SLIT1: variants seen among roughly 807,000 people sequenced by gnomAD.
SLIT1 encodes slit homolog 1 protein.
In SLIT1, 66 loss-of-function variants were observed where a neutral mutation model predicts 186.1. That is an observed-to-expected ratio of 0.35 (90% confidence interval 0.29 to 0.44). The LOEUF is 0.44. Ranked by LOEUF, SLIT1 falls within the 20% of genes least tolerant of loss-of-function variation. The pLI, the probability that SLIT1 is intolerant of heterozygous loss-of-function variation, is 1.00. For missense variants in SLIT1, 1,638 were observed against 2,037.4 expected (o/e 0.80, Z 3.77); for synonymous variants, 761 against 833.8 (o/e 0.91, Z 1.50).
At chr10:97,052,090 G>T (rs112518517) in intron 13 of SLIT1, among the ~76,000 whole-genome samples, 4 of 118,202 alleles carry the variant, frequency 3.4e-5, no homozygotes, top group South Asian at 3.2e-4. Context: ...GTATGATTCG[G>T]TTTTTTTTTG....
chr10:97,111,366 C>A (rs1360377566), intron 4 of SLIT1, among the ~76,000 whole-genome samples: 1 of 151,368 alleles, frequency 6.6e-6, no homozygotes, highest in African/African-American at 2.4e-5. Context: ...TCCATCATGT[C>A]ATCTACACAC....
chr10:97,147,689 G>A (rs2636799), intron 4 of SLIT1, among the ~76,000 whole-genome samples: 147,344 of 152,130 alleles, frequency 0.97, 71,541 homozygotes, highest in East Asian at 1. Context: ...CCACTAAGTC[G>A]CCCCACTCTT....
intron 3 of SLIT1, among the ~76,000 whole-genome samples, chr10:97,159,938 C>G (rs1459284299): frequency 1.3e-5 from 2 of 152,178 alleles, no homozygotes; most frequent in Non-Finnish European, 2.9e-5. Context: ...AGTTGCTCAT[C>G]TTTGAAAGAT....
chr10:97,158,030 T>C, intron 3 of SLIT1, 141 bp from the exon 4 acceptor site: 3 of 692,550 alleles, frequency 4.3e-6, no homozygotes, highest in Non-Finnish European at 7.7e-6. Flanking sequence ...CCAGGGAAAT[T>C]ACCTTCTCTG....
At chr10:97,059,945 T>A in intron 10 of SLIT1, 142 bp downstream of exon 10, 1 of 750,590 alleles carries the variant, frequency 1.3e-6, no homozygotes, top group Non-Finnish European at 2.4e-6. Context: ...CCAAGCAGCC[T>A]GAAGGGCAGG....
chr10:97,150,159 G>T (rs555833579), intron 4 of SLIT1, among the ~76,000 whole-genome samples: 1 of 152,122 alleles, frequency 6.6e-6, no homozygotes, highest in Admixed American at 6.5e-5. Flanking sequence ...GGGGAGGGGC[G>T]GCTGGGAGCC....
At chr10:97,116,377 C>T (rs973017782) in intron 4 of SLIT1, among the ~76,000 whole-genome samples, 1 of 152,192 alleles carries the variant, frequency 6.6e-6, no homozygotes, top group East Asian at 1.9e-4. Flanking sequence ...CAGGTTCTTC[C>T]TCCTTAGGGC....
At chr10:97,180,957 G>C (rs1016903867) in intron 1 of SLIT1, among the ~76,000 whole-genome samples, 2 of 152,212 alleles carry the variant, frequency 1.3e-5, no homozygotes, top group African/African-American at 4.8e-5. Flanking sequence ...CTTTGAGGTA[G>C]TAGGTGTTAT....
intron 4 of SLIT1, among the ~76,000 whole-genome samples, chr10:97,085,908 A>G (rs1849154663): frequency 6.6e-6 from 1 of 152,180 alleles, no homozygotes; most frequent in Non-Finnish European, 1.5e-5. Flanking sequence ...ACATTAACAA[A>G]CAGGTCCTTC....
intron 25 of SLIT1, among the ~76,000 whole-genome samples, chr10:97,026,361 G>C (rs1346974373): frequency 6.6e-6 from 1 of 152,036 alleles, no homozygotes; most frequent in Non-Finnish European, 1.5e-5. Context: ...CTACTCAGGA[G>C]GCTGAGGCAG....
chr10:97,003,051 C>T, intron 34 of SLIT1, 59 bp from the exon 35 acceptor site: 1 of 1,541,390 alleles, frequency 6.5e-7, no homozygotes, highest in Admixed American at 1.7e-5. Context: ...GCCGGGCACC[C>T]ACCCCTGAGG....
chr10:97,014,427 G>A (rs1163558744), intron 28 of SLIT1, among the ~76,000 whole-genome samples: 2 of 152,066 alleles, frequency 1.3e-5, no homozygotes, highest in South Asian at 2.1e-4. Flanking sequence ...GCCAGGGAGC[G>A]GGCACAGAGG....
At chr10:97,011,422 G>A (rs1170771799) in intron 30 of SLIT1, among the ~76,000 whole-genome samples, 3 of 152,070 alleles carry the variant, frequency 2.0e-5, no homozygotes, top group African/African-American at 7.2e-5. Context: ...TTGTCATGGA[G>A]GACCCACCTT....
intron 23 of SLIT1, among the ~76,000 whole-genome samples, chr10:97,033,286 C>T (rs1455732901): frequency 1.3e-5 from 2 of 152,154 alleles, no homozygotes; most frequent in African/African-American, 2.4e-5. Flanking sequence ...GGGCCCCTTC[C>T]TTTTTTGGGT....
At chr10:97,088,565 T>A (rs921214580) in intron 4 of SLIT1, among the ~76,000 whole-genome samples, 1 of 152,226 alleles carries the variant, frequency 6.6e-6, no homozygotes, top group African/African-American at 2.4e-5. Flanking sequence ...TAGCTTTTTT[T>A]ATACAGCTAA....
Position 97,022,125 on chromosome 10 carries a change from G to A in SLIT1, c.2583-712C>T, listed in dbSNP as rs1589365694. On this transcript the variant is annotated intron_variant, in intron 25 of 36. Coordinates refer to ENST00000266058, the MANE Select transcript of SLIT1 (RefSeq NM_003061.3). This position sits in a 1 kb window ranked among gnomAD's most constrained non-coding sequence, Gnocchi z 4.2. ...GCTGCTTTTCCTGTGTTTGGGCACC[G>A]AATCATCTCATCAGCCCCACTGTGC... is the stretch of plus-strand genomic sequence containing the variant. Among the ~76,000 whole-genome samples, 1 of 152,086 alleles carries A rather than the reference G, an allele frequency of 6.6e-6. No individual in the cohort carries two copies. The highest frequency in any genetic ancestry group is 1.5e-5 in the Non-Finnish European group (1 of 68,018).
Position 97,185,659 on chromosome 10 carries a change from C to G in SLIT1, c.16G>C (p.Gly6Arg). 1.3e-6 allele frequency: 2 copies of G among 1,535,514 alleles called. No homozygotes were observed. Among genetic ancestry groups the G allele is most frequent in the Non-Finnish European group, 1.7e-6 (2 of 1,144,298 alleles). The part of the protein sequence containing the change: MALTP[G>R]WGSSAGPVRP... The stretch of plus-strand genomic sequence containing the variant: ...ACCGGCCCCGCCGAGGACCCCCACC[C>G]GGGAGTCAGCGCCATGGTGCCCTCA... The change falls in exon 1 of 37, where the codon GGG (glycine) becomes CGG (arginine). Residue 6 changes from glycine to arginine, a missense_variant. By Grantham distance (125) the Gly-to-Arg change is moderately radical. Transcript: ENST00000266058.
chr10:97,174,961 A>G (rs1435030061), intron 1 of SLIT1, among the ~76,000 whole-genome samples: 1 of 152,242 alleles, frequency 6.6e-6, no homozygotes, highest in Non-Finnish European at 1.5e-5. Flanking sequence ...GTACTGTACT[A>G]CTTTAAAATG....
In SLIT1 at chr10:97,060,678, AG is replaced by A; in HGVS notation, c.902del (p.Thr301MetfsTer11). On this transcript the variant is annotated frameshift_variant, in exon 9 of 37. Coordinates refer to ENST00000266058, the MANE Select transcript of SLIT1 (RefSeq NM_003061.3). LOFTEE classifies it high-confidence loss of function. Reference protein sequence around the residue: ...GIVDCRGKGLTAIPANLPETM... With the variant: ...GIVDCRGKGLXAIPANLPETM... ...TCTCGGGCAGGTTGGCCGGGATGGCAGTGAGGCCTTTTCCACGACAGTCCAC... is the reference window on the plus strand; with the variant it reads ...TCTCGGGCAGGTTGGCCGGGATGGCATGAGGCCTTTTCCACGACAGTCCAC... 1 of 1,613,550 alleles carries A rather than the reference AG, an allele frequency of 6.2e-7. No homozygotes were observed. Among genetic ancestry groups the A allele is most frequent in the Non-Finnish European group, 8.5e-7 (1 of 1,180,042 alleles).
Sources: allele counts gnomAD v4.1 joint callset (sites outside exome capture counted in the v4.1 genomes callset), GRCh38; gene constraint gnomAD v4.1.1; non-coding constraint Gnocchi (gnomAD v3.1); transcripts MANE v1.5; gene names NCBI Gene and HGNC (gene_info 2026-07-23, HGNC 2026-07-21).